The following PRKRIP1 variants were observed in gnomAD, a reference collection of about 807,000 sequenced individuals.
PRKRIP1 encodes PRKR-interacting protein 1.
PRKRIP1 carries 29 observed loss-of-function variants against 29.3 expected under a neutral mutation model. The ratio of observed to expected loss-of-function variants is 0.99; its 90% CI spans 0.74 to 1.35. PRKRIP1 has a LOEUF of 1.35. PRKRIP1 is among the 40% of genes most tolerant of loss of function. PRKRIP1 has a pLI of 0.00. For missense variants in PRKRIP1, 247 were observed against 236.8 expected (o/e 1.04, Z -0.28); for synonymous variants, 90 against 85.1 (o/e 1.06, Z -0.32).
At chr7:102,413,692 G>A (rs938413452) in intron 5 of PRKRIP1, among the ~76,000 whole-genome samples, 5 of 152,204 alleles carry the variant, frequency 3.3e-5, no homozygotes, top group South Asian at 4.1e-4. Context: ...TAATATATAA[G>A]CCTTATTTCT....
At chr7:102,397,821 G>A (rs10268970) in intron 2 of PRKRIP1, 123 bp downstream of exon 2, 50,142 of 743,768 alleles carry the variant, frequency 0.067, 1,997 homozygotes, top group African/African-American at 0.11. Context: ...CGAGGCGGGC[G>A]GATCATGAGG....
intron 5 of PRKRIP1, among the ~76,000 whole-genome samples, chr7:102,412,584 C>T (rs369293927): frequency 5.3e-5 from 8 of 152,184 alleles, no homozygotes; most frequent in African/African-American, 1.9e-4. Flanking sequence ...TGCCACTTAT[C>T]TTGCCTTCTC....
At chr7:102,422,571 A>G (rs2133206093) in intron 5 of PRKRIP1, among the ~76,000 whole-genome samples, 1 of 151,504 alleles carries the variant, frequency 6.6e-6, no homozygotes, top group African/African-American at 2.4e-5. Context: ...TGAACTCCTG[A>G]CCTCAGGTGA....
chr7:102,424,921 G>C, intron 5 of PRKRIP1, 93 bp from the exon 6 acceptor site: 1 of 1,317,436 alleles, frequency 7.6e-7, no homozygotes, highest in Non-Finnish European at 1.0e-6. Flanking sequence ...TAGGAACAGG[G>C]ACTTTTGACT....
intron 5 of PRKRIP1, among the ~76,000 whole-genome samples, chr7:102,415,921 A>G (rs1796523825): frequency 6.6e-6 from 1 of 152,128 alleles, no homozygotes; most frequent in Non-Finnish European, 1.5e-5. Flanking sequence ...ACTCCCTTCC[A>G]CATGCCCCCA....
At chr7:102,418,010 C>G (rs1796599078) in intron 5 of PRKRIP1, among the ~76,000 whole-genome samples, 2 of 148,058 alleles carry the variant, frequency 1.4e-5, no homozygotes, top group South Asian at 4.3e-4. Flanking sequence ...TCCAAGAAGT[C>G]CTGGCTGCTG....
intron 4 of PRKRIP1, among the ~76,000 whole-genome samples, chr7:102,405,170 G>A (rs548645126): frequency 1.6e-4 from 25 of 152,196 alleles, no homozygotes; most frequent in African/African-American, 5.1e-4. Context: ...CAGGTGATCC[G>A]CCTGCTTCGG....
intron 2 of PRKRIP1, among the ~76,000 whole-genome samples, chr7:102,398,553 A>G (rs1358053979): frequency 1.3e-5 from 2 of 152,128 alleles, no homozygotes; most frequent in Non-Finnish European, 2.9e-5. Context: ...CCAAAATGCT[A>G]GGATTACAGC....
chr7:102,420,904 A>G (rs1432550579), intron 5 of PRKRIP1, among the ~76,000 whole-genome samples: 6 of 152,122 alleles, frequency 3.9e-5, no homozygotes, highest in Non-Finnish European at 8.8e-5. Context: ...TTCAGCTGCA[A>G]TACAACCTTT....
At chr7:102,418,400 C>T (rs1489542266) in intron 5 of PRKRIP1, among the ~76,000 whole-genome samples, 1 of 152,108 alleles carries the variant, frequency 6.6e-6, no homozygotes, top group Non-Finnish European at 1.5e-5. Flanking sequence ...AACCCAAGGT[C>T]TGGGGACTAG....
At chr7:102,422,729 G>A (rs1480887721) in intron 5 of PRKRIP1, among the ~76,000 whole-genome samples, 1 of 151,982 alleles carries the variant, frequency 6.6e-6, no homozygotes, top group Non-Finnish European at 1.5e-5. Flanking sequence ...CACCTGCCTC[G>A]GTCTCCCAAA....
chr7:102,396,794 T>C (rs1795912391), intron 1 of PRKRIP1, among the ~76,000 whole-genome samples: 1 of 152,144 alleles, frequency 6.6e-6, no homozygotes, highest in Non-Finnish European at 1.5e-5. Flanking sequence ...AGACCCCTTC[T>C]GGTTTAACTT....
intron 5 of PRKRIP1, among the ~76,000 whole-genome samples, chr7:102,412,067 G>T (rs1340697315): frequency 6.6e-6 from 1 of 151,552 alleles, no homozygotes; most frequent in Non-Finnish European, 1.5e-5. Context: ...GTTTTTAGTA[G>T]AGATGGTGTT....
chr7:102,413,861 G>A (rs1796461737), intron 5 of PRKRIP1, among the ~76,000 whole-genome samples: 1 of 152,114 alleles, frequency 6.6e-6, no homozygotes, highest in South Asian at 2.1e-4. Flanking sequence ...ATTTTACCCA[G>A]TATGCCTGTA....
intron 5 of PRKRIP1, among the ~76,000 whole-genome samples, chr7:102,410,346 A>C (rs1288819703): frequency 6.6e-6 from 1 of 152,116 alleles, no homozygotes; most frequent in Middle Eastern, 3.2e-3. Flanking sequence ...AACAGTTGTC[A>C]CTGATGGTTT....
chr7:102,399,989 G>T (rs1164464486), intron 3 of PRKRIP1, among the ~76,000 whole-genome samples: 5 of 136,922 alleles, frequency 3.7e-5, no homozygotes, highest in Admixed American at 7.7e-5. Flanking sequence ...CAACAAGAGC[G>T]AAACTCCATC....
At chr7:102,416,123 C>T (rs1006125961) in intron 5 of PRKRIP1, among the ~76,000 whole-genome samples, 11 of 152,266 alleles carry the variant, frequency 7.2e-5, no homozygotes, top group African/African-American at 2.7e-4. Context: ...TGCCAGCCTG[C>T]CCCATGGGGT....
At position 102,418,022 on chromosome 7, in the gene PRKRIP1, TTTCTTCTTC is replaced by T. The variant is rs139908003; in HGVS notation, c.458-6971_458-6963del. ...TTGTCCAAGAAGTCCTGGCTGCTGC[TTTCTTCTTC>T]TTCTTCTTCTTCTTCTTCTTTTTTT... On this transcript the variant is annotated intron_variant, in intron 5 of 5. Transcript: ENST00000397912. 1.9e-3 allele frequency among the ~76,000 whole-genome samples: 269 copies of T among 141,190 alleles called. 1 individual carries two copies. The highest frequency in any genetic ancestry group is 6.3e-3 in the African/African-American group (239 of 38,106). 92.6% of individuals were successfully genotyped at this position (141,190 alleles called of 152,430 possible).
rs1554570345 is a variant in PRKRIP1, at chr7:102,396,463, C to T, written c.52C>T (p.Pro18Ser). Residue 18 changes from proline to serine, a missense_variant, in exon 1 of 6, where the codon CCG becomes TCG. Physicochemically the swap from Pro to Ser is moderately conservative, Grantham distance 74 (BLOSUM62 -1). Around this residue, in one of 3 missense-constraint regions of PRKRIP1, gnomAD observed 105 missense variants for 80.2 expected, o/e 1.31. Coordinates refer to ENST00000397912, the MANE Select transcript of PRKRIP1 (RefSeq NM_024653.4). ...SVRPPRPKKE[P>S]QTLVIPKNAA... ...GCGACCACCGAGGCCCAAGAAAGAG[C>T]CGCAGACGCTCGTCATCCCCAAGAA... 3 of 1,608,776 alleles carry T rather than the reference C, an allele frequency of 1.9e-6. No homozygotes were observed. The highest frequency in any genetic ancestry group is 2.7e-5 in the African/African-American group (2 of 74,840).
Sources: gnomAD v4.1 joint callset for allele counts (sites outside exome capture counted in the v4.1 genomes callset) on GRCh38, gnomAD v4.1.1 for gene constraint, gnomAD v4.1.1 regional missense constraint, MANE v1.5 for transcripts, NCBI Gene and HGNC (gene_info 2026-07-23, HGNC 2026-07-21) for gene names.